Variants in ATG7 observed in about 807,000 individuals in gnomAD.
ATG7 encodes the protein autophagy related 7.
A neutral mutation model predicts 82.4 loss-of-function variants in ATG7; 70 were observed. That is an observed-to-expected ratio of 0.85 (90% CI 0.70 to 1.04). The LOEUF (loss-of-function observed/expected upper bound fraction) is 1.04, where lower values mean the gene tolerates loss of function less well. Among genes scored for constraint, ATG7 ranks in the 50% least tolerant of loss-of-function variants. The pLI is 0.00. For missense variants in ATG7, 792 were observed against 864.3 expected (o/e 0.92, Z 1.05); for synonymous variants, 287 against 313.0 (o/e 0.92, Z 0.88).
At chr3:11,470,855 G>A (rs897490780) in intron 20 of ATG7, among the ~76,000 whole-genome samples, 2 of 152,108 alleles carry the variant, frequency 1.3e-5, no homozygotes, top group African/African-American at 2.4e-5. Flanking sequence ...GGAAGGCACC[G>A]GCATTTATTA....
chr3:11,546,827 G>GCTGCCCCATTGCAA (rs2071335810), intron 20 of ATG7, among the ~76,000 whole-genome samples: 1 of 152,254 alleles, frequency 6.6e-6, no homozygotes, highest in Non-Finnish European at 1.5e-5. Context: ...GCAGCGGCCA[G>GCTGCCCCATTGCAA]TGGGGAGCGC....
At chr3:11,312,700 G>A (rs987676341) in intron 7 of ATG7, among the ~76,000 whole-genome samples, 3 of 152,218 alleles carry the variant, frequency 2.0e-5, no homozygotes, top group African/African-American at 7.2e-5. Flanking sequence ...ATTTACAAAA[G>A]CAATATTGTA....
chr3:11,294,029 A>G (rs1401437786), intron 3 of ATG7, among the ~76,000 whole-genome samples: 6 of 151,230 alleles, frequency 4.0e-5, no homozygotes, highest in South Asian at 2.1e-4. Flanking sequence ...AAAAAAAAAA[A>G]AAAAAGAAAA....
chr3:11,430,116 T>C (rs2082736848), intron 20 of ATG7, among the ~76,000 whole-genome samples: 1 of 152,130 alleles, frequency 6.6e-6, no homozygotes, highest in Admixed American at 6.6e-5. Flanking sequence ...TAGGTGACCC[T>C]TAATAGGTAT....
chr3:11,496,092 C>G (rs2090810545), intron 20 of ATG7, among the ~76,000 whole-genome samples: 1 of 152,124 alleles, frequency 6.6e-6, no homozygotes. Flanking sequence ...AGAGTGGGTA[C>G]ACAAGTACAG....
intron 19 of ATG7, among the ~76,000 whole-genome samples, chr3:11,418,432 T>C (rs1017543065): frequency 2.6e-5 from 4 of 152,164 alleles, no homozygotes; most frequent in Admixed American, 6.5e-5. Flanking sequence ...TCAATATGGC[T>C]TCTTTTATCT....
At chr3:11,448,476 A>G (rs2084789042) in intron 20 of ATG7, among the ~76,000 whole-genome samples, 1 of 152,192 alleles carries the variant, frequency 6.6e-6, no homozygotes, top group African/African-American at 2.4e-5. Flanking sequence ...GCTTCAGGAC[A>G]TGTGCCTTTA....
At chr3:11,392,095 A>G (rs1488895862) in intron 19 of ATG7, among the ~76,000 whole-genome samples, 2 of 152,116 alleles carry the variant, frequency 1.3e-5, no homozygotes, top group South Asian at 4.1e-4. Context: ...TCTTATGGTC[A>G]TGTTTCAGAC....
intron 18 of ATG7, among the ~76,000 whole-genome samples, chr3:11,366,411 A>G (rs534118880): frequency 6.6e-6 from 1 of 151,800 alleles, no homozygotes; most frequent in South Asian, 2.1e-4. Context: ...TTTTTTTGAC[A>G]TGCATGTGTT....
At chr3:11,542,354 G>C (rs977323119) in intron 20 of ATG7, among the ~76,000 whole-genome samples, 16 of 152,342 alleles carry the variant, frequency 1.1e-4, no homozygotes, top group African/African-American at 3.1e-4. Context: ...ACTAATAAGA[G>C]GGGGAGACCT....
At chr3:11,500,988 C>G (rs1345732100) in intron 20 of ATG7, among the ~76,000 whole-genome samples, 5 of 152,198 alleles carry the variant, frequency 3.3e-5, no homozygotes, top group Admixed American at 2.6e-4. Flanking sequence ...GGCATGGTAG[C>G]TCACCCTGGT....
chr3:11,463,860 G>A (rs1411001074), intron 20 of ATG7, among the ~76,000 whole-genome samples: 1 of 152,126 alleles, frequency 6.6e-6, no homozygotes, highest in Non-Finnish European at 1.5e-5. Flanking sequence ...CTCATTTTGG[G>A]ACCAGTCAAG....
intron 14 of ATG7, 91 bp downstream of exon 14, chr3:11,348,126 C>G: frequency 1.4e-6 from 2 of 1,470,214 alleles, no homozygotes; most frequent in Non-Finnish European, 1.8e-6. Context: ...GAAAGAGAGT[C>G]AGATATCTGT....
chr3:11,569,603 G>A, the ATG7 span, among the ~76,000 whole-genome samples: 7 of 152,228 alleles, frequency 4.6e-5, no homozygotes, highest in Non-Finnish European at 1.0e-4. Context: ...TGAGTGGGCC[G>A]GGACACAGCC....
At chr3:11,485,195 T>A (rs529425658) in intron 20 of ATG7, among the ~76,000 whole-genome samples, 1 of 152,306 alleles carries the variant, frequency 6.6e-6, no homozygotes, top group African/African-American at 2.4e-5. Flanking sequence ...CCACATCCTC[T>A]CCAGCACCTG....
rs1295103528 is a variant in ATG7 at position 11,331,548 on chromosome 3, T to C, written c.767+120T>C. On this transcript the variant is annotated intron_variant, in intron 10 of 20. Transcript: ENST00000693202. The stretch of plus-strand genomic sequence containing the variant: ...ATGCATTATTTTTTCATTTTGGGCA[T>C]GGAAACCAGGTAATCAATAAATCAG... 18 of 891,432 alleles carry C rather than the reference T, an allele frequency of 2.0e-5. No homozygotes were observed. In the Admixed American group the frequency reaches 3.4e-4, roughly 17 times the overall value. 55.2% of individuals were successfully genotyped at this position (891,432 alleles called of 1,614,324 possible).
At position 11,545,370 on chromosome 3, in the gene ATG7, G is replaced by A. The variant is rs959233002; in HGVS notation, c.2080-9441G>A. Among the ~76,000 whole-genome samples, 8 of 152,220 alleles carry A rather than the reference G, an allele frequency of 5.3e-5. No homozygotes were observed. The East Asian group carries it at 5.8e-4, about 11-fold the overall frequency. On this transcript the variant is annotated intron_variant, in intron 20 of 20. Transcript: ENST00000693202. ...GACACCCCAGAAGAACCACGGTGAC[G>A]GATACCTGTGGGGACAACAGATCCT...
chr3:11,535,056 G>T (rs1013362363), intron 20 of ATG7, among the ~76,000 whole-genome samples: 3 of 152,242 alleles, frequency 2.0e-5, no homozygotes, highest in Admixed American at 6.5e-5. Context: ...GCCCTTGCGG[G>T]TCACCTCCTC....
In ATG7 at chr3:11,426,887, T is replaced by C. The variant is rs755858587; in HGVS notation, c.2040T>C (p.Thr680=). Residue 680 remains threonine, a synonymous_variant, in exon 20 of 21, where the codon ACT becomes ACC. Transcript: ENST00000693202. The part of the protein sequence containing the change: ...NSSHSFLEDL[T]GLTLLHQETQ... Reference sequence around the variant, plus strand: ...CACATTCCTTCTTAGAAGACTTGACTGGTCTTACATTGCTGCATCAAGAAA... The same window carrying C: ...CACATTCCTTCTTAGAAGACTTGACCGGTCTTACATTGCTGCATCAAGAAA... 6.8e-6 allele frequency: 11 copies of C among 1,610,098 alleles called. No homozygotes were observed. Among genetic ancestry groups the C allele is most frequent in the Non-Finnish European group, 7.6e-6 (9 of 1,178,614 alleles).
Sources: allele counts gnomAD v4.1 joint callset (sites outside exome capture counted in the v4.1 genomes callset), GRCh38; gene constraint gnomAD v4.1.1; transcripts MANE v1.5; gene names NCBI Gene and HGNC (gene_info 2026-07-23, HGNC 2026-07-21).